The following TRMT11 variants were observed in gnomAD, a reference collection of about 807,000 sequenced individuals.
TRMT11 encodes tRNA (guanine(10)-N(2))-methyltransferase TRMT11.
In TRMT11, 53 loss-of-function variants were observed where a neutral mutation model predicts 62.8. The observed-to-expected ratio is 0.84, with a 90% CI of 0.68 to 1.06. The LOEUF is 1.06. Ranked by LOEUF, TRMT11 falls within the 50% of genes least tolerant of loss-of-function variation. The pLI is 0.00. For synonymous variants in TRMT11, 188 were observed against 190.3 expected (o/e 0.99, Z 0.10); for missense variants, 556 against 553.4 (o/e 1.00, Z -0.05).
At chr6:126,062,818 T>A (rs1279527117) in intron 17 of TRMT11, among the ~76,000 whole-genome samples, 1 of 152,218 alleles carries the variant, frequency 6.6e-6, no homozygotes, top group Non-Finnish European at 1.5e-5. Flanking sequence ...GTAAATTTGC[T>A]AAATGAATAA....
the TRMT11 span, among the ~76,000 whole-genome samples, chr6:126,246,719 G>A: frequency 6.6e-6 from 1 of 152,174 alleles, no homozygotes; most frequent in Non-Finnish European, 1.5e-5. Context: ...AAAACTTTGA[G>A]GTTGAGGGAG....
At chr6:126,151,854 C>CTTTG (rs1451517385) in intron 21 of TRMT11, among the ~76,000 whole-genome samples, 1 of 125,474 alleles carries the variant, frequency 8.0e-6, no homozygotes, top group African/African-American at 3.1e-5. Context: ...TTCTTTCTTT[C>CTTTG]TTTCTTTCTT....
At chr6:126,044,737 TA>T (rs1188370138) in intron 16 of TRMT11, among the ~76,000 whole-genome samples, 1 of 152,114 alleles carries the variant, frequency 6.6e-6, no homozygotes, top group East Asian at 1.9e-4. Context: ...CCTTTCAGAG[TA>T]AAGGCATGCT....
intron 1 of TRMT11, among the ~76,000 whole-genome samples, chr6:126,193,069 C>G (rs912911564): frequency 6.6e-6 from 1 of 152,072 alleles, no homozygotes; most frequent in Admixed American, 6.5e-5. Flanking sequence ...TCTGGGCTTT[C>G]TTTGATGGGA....
At chr6:126,110,698 GCACA>G (rs918880012) in intron 17 of TRMT11, among the ~76,000 whole-genome samples, 1 of 152,080 alleles carries the variant, frequency 6.6e-6, no homozygotes, top group African/African-American at 2.4e-5. Context: ...GCATGTGCGT[GCACA>G]CACACGTGCA....
chr6:126,106,266 C>G (rs778204910), intron 17 of TRMT11, among the ~76,000 whole-genome samples: 1 of 152,022 alleles, frequency 6.6e-6, no homozygotes, highest in Non-Finnish European at 1.5e-5. Context: ...GCCTCAGCCT[C>G]CCAAGTAGCT....
intron 17 of TRMT11, among the ~76,000 whole-genome samples, chr6:126,104,321 G>A (rs1777439390): frequency 6.6e-6 from 1 of 152,198 alleles, no homozygotes; most frequent in Non-Finnish European, 1.5e-5. Context: ...AAGAAACTGG[G>A]TGTACTAGGA....
the TRMT11 span, among the ~76,000 whole-genome samples, chr6:126,246,645 G>T: frequency 3.3e-5 from 5 of 152,154 alleles, no homozygotes; most frequent in Admixed American, 3.3e-4. Context: ...AAAGATAAGA[G>T]AAAAGCCAGC....
chr6:126,151,602 C>G (rs932596005), intron 21 of TRMT11, among the ~76,000 whole-genome samples: 4 of 152,196 alleles, frequency 2.6e-5, no homozygotes, highest in African/African-American at 9.6e-5. Context: ...TGCCCAACCT[C>G]TCTCTCACCT....
Position 126,083,765 on chromosome 6 carries a change from T to A in TRMT11, c.*1438-29101T>A, listed in dbSNP as rs193069138. Among the ~76,000 whole-genome samples the A allele has an allele frequency of 1.1e-3, 163 of 152,246 alleles. 1 individual carries two copies. The highest frequency in any genetic ancestry group is 6.8e-3 in the Middle Eastern group (2 of 294). ...GCTACTCTGTATCCTCTGAATTACA[T>A]CTCCCTATTTCCTTCCCTCCCAATC... On this transcript the variant is annotated intron_variant and NMD_transcript_variant, in intron 17 of 22. Coordinates refer to the TRMT11 transcript ENST00000648977.
Position 125,998,099 on chromosome 6 carries a change from T to C in TRMT11, c.259T>C (p.Tyr87His), listed in dbSNP as rs774415267. Reference protein sequence around the residue: ...WGHGQSPEELYSSLKNYPVEK... With the variant: ...WGHGQSPEELHSSLKNYPVEK... The stretch of plus-strand genomic sequence containing the variant: ...TCATGGACAATCTCCTGAGGAGCTG[T>C]ACAGTTCTCTTAAAAACTACCCTGT... Residue 87 changes from tyrosine (Y) to histidine (H), a missense_variant, in exon 4 of 13, where the codon TAC (tyrosine) becomes CAC (histidine). Tyr to His is a moderately conservative substitution (Grantham distance 83). Transcript: ENST00000334379. 1 of 1,613,744 alleles carries C rather than the reference T, an allele frequency of 6.2e-7. No individual in the cohort carries two copies. The highest frequency in any genetic ancestry group is 8.5e-7 in the Non-Finnish European group (1 of 1,179,760).
chr6:125,987,487 A>G (rs1789849455), intron 1 of TRMT11, among the ~76,000 whole-genome samples: 1 of 152,196 alleles, frequency 6.6e-6, no homozygotes, highest in African/African-American at 2.4e-5. Context: ...GGAGCTTGGA[A>G]GGGGGATTTA....
chr6:126,248,420 C>T, the TRMT11 span, among the ~76,000 whole-genome samples: 1 of 151,924 alleles, frequency 6.6e-6, no homozygotes, highest in Non-Finnish European at 1.5e-5. Flanking sequence ...TGTATCTTCA[C>T]CTTTTCTGTA....
At chr6:126,140,676 G>C (rs1238499781) in intron 21 of TRMT11, among the ~76,000 whole-genome samples, 1 of 151,976 alleles carries the variant, frequency 6.6e-6, no homozygotes, top group Non-Finnish European at 1.5e-5. Flanking sequence ...ATTCATTATT[G>C]CTTTCTCACT....
Position 126,011,427 on chromosome 6 carries a change from T to C in TRMT11, c.925+10T>C, listed in dbSNP as rs1283903021. 3 of 1,603,792 alleles carry C rather than the reference T, an allele frequency of 1.9e-6. No individual in the cohort carries two copies. The highest frequency in any genetic ancestry group is 2.6e-6 in the Non-Finnish European group (3 of 1,175,324). Reference sequence around the variant, plus strand: ...GCAATCATTACTGATCGTAAGTTTATTTTTATACAAAAGTAGGAGTAGGAT... The same window carrying C: ...GCAATCATTACTGATCGTAAGTTTACTTTTATACAAAAGTAGGAGTAGGAT... On this transcript the variant is annotated intron_variant, in intron 9 of 12. Transcript: ENST00000334379.
At chr6:126,250,387 T>C in the TRMT11 span, among the ~76,000 whole-genome samples, 2 of 152,066 alleles carry the variant, frequency 1.3e-5, no homozygotes, top group Admixed American at 1.3e-4. Flanking sequence ...ACAGAGAGCA[T>C]GTGGAAGCTA....
intron 21 of TRMT11, among the ~76,000 whole-genome samples, chr6:126,161,948 A>T (rs766419353): frequency 5.4e-5 from 8 of 148,274 alleles, no homozygotes; most frequent in Non-Finnish European, 9.2e-5. Context: ...GTGGATATCC[A>T]TCTGGATATT....
intron 12 of TRMT11, among the ~76,000 whole-genome samples, chr6:126,027,810 G>T (rs1301296421): frequency 6.6e-6 from 1 of 152,172 alleles, no homozygotes; most frequent in Non-Finnish European, 1.5e-5. Context: ...GGCCAAAACT[G>T]AGGGTTTTAA....
At chr6:126,190,863 G>T (rs1353923776) in intron 1 of TRMT11, among the ~76,000 whole-genome samples, 1 of 152,144 alleles carries the variant, frequency 6.6e-6, no homozygotes, top group African/African-American at 2.4e-5. Flanking sequence ...CTTAGGAAGA[G>T]TCCATATTTT....
Sources: allele counts gnomAD v4.1 joint callset (sites outside exome capture counted in the v4.1 genomes callset), GRCh38; gene constraint gnomAD v4.1.1; transcripts MANE v1.5; gene names NCBI Gene and HGNC (gene_info 2026-07-23, HGNC 2026-07-21).